TJAP1: variants seen among roughly 807,000 people sequenced by gnomAD.
The protein encoded by TJAP1 is tight junction-associated protein 1.
A neutral mutation model predicts 42.0 loss-of-function variants in TJAP1; 27 were observed. That is an observed-to-expected ratio of 0.64 (90% CI 0.47 to 0.89). The LOEUF is 0.89. Ranked by LOEUF, TJAP1 falls within the 40% of genes least tolerant of loss-of-function variation. The probability of loss-of-function intolerance (pLI) is 0.00; values close to 1 mark genes in which losing one functional copy is unlikely to be tolerated. For missense variants in TJAP1, 712 were observed against 726.9 expected, an observed-to-expected ratio of 0.98 and a Z score of 0.24; for synonymous variants, 257 against 288.4, an observed-to-expected ratio of 0.89 and a Z score of 1.10.
At chr6:43,481,132 T>A (rs190500898) in intron 2 of TJAP1, among the ~76,000 whole-genome samples, 2 of 152,262 alleles carry the variant, frequency 1.3e-5, no homozygotes, top group East Asian at 3.9e-4. Flanking sequence ...TTTGATTATT[T>A]AAAAAAATGT....
chr6:43,505,237 C>A lies in TJAP1; in HGVS notation c.1056C>A (p.Tyr352Ter). 1 of 1,614,038 alleles carries A rather than the reference C, an allele frequency of 6.2e-7. No homozygotes were observed. The highest frequency in any genetic ancestry group is 2.2e-5 in the East Asian group (1 of 44,880). ...ACAGCCCCCTGCCCAACTGCACTTA[C>A]GCTACCCGCCAGGCCATTTCCCTGA... Residue 352 changes from tyrosine to a stop codon, truncating the protein, a stop_gained, in exon 11 of 11, where the codon TAC becomes TAA. Transcript: ENST00000372449. LOFTEE classifies it high-confidence loss of function. This position sits in a 1 kb window ranked among gnomAD's most constrained non-coding sequence, Gnocchi z 5.5.
chr6:43,499,130 G>C (rs542401910), intron 4 of TJAP1, 30 bp downstream of exon 4: 6 of 1,611,066 alleles, frequency 3.7e-6, no homozygotes, highest in Non-Finnish European at 5.1e-6. Context: ...CAGCCTGACC[G>C]GCAGAGGCAA....
intron 2 of TJAP1, among the ~76,000 whole-genome samples, chr6:43,481,735 C>A (rs947572526): frequency 2.0e-5 from 3 of 152,176 alleles, no homozygotes; most frequent in African/African-American, 7.2e-5. Flanking sequence ...GCAGGAGGCC[C>A]AGTGTAGCCT....
chr6:43,505,352 A>G lies in TJAP1; in HGVS notation c.1171A>G (p.Ser391Gly). 1 of 1,608,794 alleles carries G rather than the reference A, an allele frequency of 6.2e-7. No homozygotes were observed. The highest frequency in any genetic ancestry group is 8.5e-7 in the Non-Finnish European group (1 of 1,179,422). Residue 391 changes from serine (S) to glycine (G), a missense_variant, in exon 11 of 11, where the codon AGC (serine) becomes GGC (glycine). Physicochemically the swap from Ser to Gly is moderately conservative, Grantham distance 56. Transcript: ENST00000372449. This position sits in a 1 kb window ranked among gnomAD's most constrained non-coding sequence, Gnocchi z 5.5. ...CCAGGCCTCACCCCACCACCAGCCC[A>G]GCCCAGCACCCCTAACACTCAGTGC...
At chr6:43,488,026 C>A (rs1342054453) in intron 2 of TJAP1, among the ~76,000 whole-genome samples, 1 of 152,132 alleles carries the variant, frequency 6.6e-6, no homozygotes, top group South Asian at 2.1e-4. Context: ...CCAGCCAACA[C>A]GCCCAGCTAA....
At chr6:43,502,068 A>ACTCTCTCTCTCTCTCT (rs1366522224) in intron 6 of TJAP1, among the ~76,000 whole-genome samples, 2 of 127,428 alleles carry the variant, frequency 1.6e-5, no homozygotes, top group Admixed American at 1.5e-4. Flanking sequence ...ACACACACAC[A>ACTCTCTCTCTCTCTCT]CACACACACT....
At chr6:43,486,665 A>T (rs1190880108) in intron 2 of TJAP1, among the ~76,000 whole-genome samples, 3 of 150,218 alleles carry the variant, frequency 2.0e-5, no homozygotes, top group Non-Finnish European at 4.5e-5. Context: ...TCCAGTAGCT[A>T]TTTTTTTTTG....
intron 4 of TJAP1, among the ~76,000 whole-genome samples, chr6:43,500,172 T>C (rs111284066): frequency 0.018 from 2,803 of 152,328 alleles, 35 homozygotes; most frequent in South Asian, 0.039. Context: ...GAGCCATGAC[T>C]GCCATAGGGG....
intron 2 of TJAP1, chr6:43,497,516 T>G (rs2127583963): frequency 6.6e-6 from 1 of 152,376 alleles, no homozygotes. Flanking sequence ...TTGTAACCCA[T>G]GTTCCCCAAA....
At chr6:43,481,585 G>GA (rs200593295) in intron 2 of TJAP1, among the ~76,000 whole-genome samples, 269 of 120,390 alleles carry the variant, frequency 2.2e-3, no homozygotes, top group East Asian at 0.013. Flanking sequence ...AAACTACACA[G>GA]AAAAAAAAAA....
chr6:43,502,564 G>A lies in TJAP1; in HGVS notation c.358-24G>A, dbSNP rs751865152. On this transcript the variant is annotated intron_variant, in intron 7 of 10. Coordinates refer to ENST00000372449, the Ensembl canonical transcript of TJAP1. Reference sequence around the variant, plus strand: ...CTCGTCTCCCCCTCATGCTGCCACCGTTGCTGCTGCACTCTCCTCTCAGGC... The same window carrying A: ...CTCGTCTCCCCCTCATGCTGCCACCATTGCTGCTGCACTCTCCTCTCAGGC... 31 of 1,551,584 alleles carry A rather than the reference G, an allele frequency of 2.0e-5. No individual in the cohort carries two copies. The Admixed American group carries it at 2.4e-4, about 12-fold the overall frequency.
At position 43,501,444 on chromosome 6, in the gene TJAP1, TC is replaced by T. The variant is rs916946077; in HGVS notation, c.129-80del. ...GCCTGTCCTCATGTCATCCCTTCCT[TC>T]CTGAGCCCACTCTGGAGCTCCAGGG... On this transcript the variant is annotated intron_variant, in intron 5 of 10. Transcript: ENST00000372449. 35 of 1,334,740 alleles carry T rather than the reference TC, an allele frequency of 2.6e-5. No homozygotes were observed. The Admixed American group carries it at 2.8e-4, about 11-fold the overall frequency. The allele number at this position is 1,334,740 out of a possible 1,614,324, so 82.7% of individuals were successfully genotyped here.
intron 3 of TJAP1, among the ~76,000 whole-genome samples, chr6:43,498,507 G>A (rs539874557): frequency 3.3e-5 from 5 of 152,226 alleles, no homozygotes; most frequent in South Asian, 2.1e-4. Context: ...CCAAGATTGC[G>A]CCACTACACT....
At chr6:43,488,678 G>T (rs1048514339) in intron 2 of TJAP1, among the ~76,000 whole-genome samples, 2 of 152,180 alleles carry the variant, frequency 1.3e-5, no homozygotes, top group Non-Finnish European at 2.9e-5. Flanking sequence ...AGACCCAGTT[G>T]GTGTTTTTGT....
intron 2 of TJAP1, among the ~76,000 whole-genome samples, chr6:43,494,465 G>A (rs1473994441): frequency 6.6e-6 from 1 of 152,018 alleles, no homozygotes; most frequent in Non-Finnish European, 1.5e-5. Context: ...CCCAGGCCAC[G>A]CTAGGTCAGC....
chr6:43,505,572 C>T lies in TJAP1; in HGVS notation c.1391C>T (p.Pro464Leu), dbSNP rs993193253. ...GTGGTCCAGGCACCTTCTGCCCGAC[C>T]CGAAGAGAGTGAGCTTTTGCTACCC... Residue 464 changes from proline to leucine, a missense_variant, in exon 11 of 11, where the codon CCC (proline) becomes CTC (leucine). Pro to Leu is a moderately conservative substitution (Grantham distance 98). Coordinates refer to ENST00000372449, the Ensembl canonical transcript of TJAP1. The surrounding 1 kb of genome is among the most constrained non-coding windows in gnomAD (Gnocchi z 5.5). The T allele has an allele frequency of 3.1e-6, 5 of 1,613,660 alleles. No homozygotes were observed. Among genetic ancestry groups the T allele is most frequent in the Non-Finnish European group, 4.2e-6 (5 of 1,180,050 alleles).
chr6:43,499,072 A>AGG lies in TJAP1; in HGVS notation c.71_72insGG (p.Ile25GlufsTer13). 1 of 1,614,040 alleles carries AGG rather than the reference A, an allele frequency of 6.2e-7. No homozygotes were observed. Among genetic ancestry groups the AGG allele is most frequent in the Non-Finnish European group, 8.5e-7 (1 of 1,179,986 alleles). On this transcript the variant is annotated frameshift_variant, in exon 4 of 11. Transcript: ENST00000372449. LOFTEE classifies it high-confidence loss of function. ...CCAGAGCATCGGGAGCTGCGTTTGG[A>AGG]AATTCCTGGATCCCGGCTTGAGCAG...
chr6:43,503,142 G>C, intron 8 of TJAP1: 1 of 530,388 alleles, frequency 1.9e-6, no homozygotes. Context: ...AACCTCAGGG[G>C]ATGGACAGCT....
At chr6:43,487,187 C>G (rs567483441) in intron 2 of TJAP1, among the ~76,000 whole-genome samples, 2 of 152,178 alleles carry the variant, frequency 1.3e-5, no homozygotes, top group Non-Finnish European at 2.9e-5. Flanking sequence ...CATGGCCCCT[C>G]TTTGTGAGAA....
Sources: gnomAD v4.1 joint callset for allele counts (sites outside exome capture counted in the v4.1 genomes callset) on GRCh38, gnomAD v4.1.1 for gene constraint, Gnocchi (gnomAD v3.1) non-coding constraint, MANE v1.5 for transcripts, NCBI Gene and HGNC (gene_info 2026-07-23, HGNC 2026-07-21) for gene names.